Variants in TRAPPC9 observed in about 807,000 individuals in gnomAD.
TRAPPC9 encodes the protein trafficking protein particle complex subunit 9, also known as IKK2 binding protein.
Under a neutral mutation model 124.0 loss-of-function variants are expected in TRAPPC9, and 83 were observed. The observed-to-expected ratio is 0.67, with a 90% CI of 0.56 to 0.80. The LOEUF (loss-of-function observed/expected upper bound fraction) is 0.80. Ranked by LOEUF, TRAPPC9 falls within the 30% of genes least tolerant of loss-of-function variation. The probability of loss-of-function intolerance (pLI) is 0.00; values close to 1 mark genes in which losing one functional copy is unlikely to be tolerated. For missense variants in TRAPPC9, 1,302 were observed against 1,508.3 expected (o/e 0.86, Z 2.27); for synonymous variants, 638 against 617.5 (o/e 1.03, Z -0.49).
chr8:140,356,567 T>A (rs1450301752), intron 9 of TRAPPC9, among the ~76,000 whole-genome samples: 1 of 151,406 alleles, frequency 6.6e-6, no homozygotes, highest in Non-Finnish European at 1.5e-5. Flanking sequence ...AGCATACGTA[T>A]ACACACACAT....
chr8:140,189,620 G>C (rs1240450043), intron 17 of TRAPPC9, among the ~76,000 whole-genome samples: 1 of 151,926 alleles, frequency 6.6e-6, no homozygotes, highest in Non-Finnish European at 1.5e-5. Context: ...AATGAGAGTA[G>C]CACCCATTTC....
intron 9 of TRAPPC9, among the ~76,000 whole-genome samples, chr8:140,348,238 C>A (rs2067409939): frequency 6.6e-6 from 1 of 152,320 alleles, no homozygotes; most frequent in Non-Finnish European, 1.5e-5. Flanking sequence ...ACACCATCTG[C>A]CCCATCAAAT....
At chr8:140,004,533 C>T (rs936917345) in intron 18 of TRAPPC9, among the ~76,000 whole-genome samples, 10 of 152,042 alleles carry the variant, frequency 6.6e-5, no homozygotes, top group African/African-American at 1.7e-4. Flanking sequence ...GGGATAACAA[C>T]GCCTATGCTA....
intron 17 of TRAPPC9, among the ~76,000 whole-genome samples, chr8:140,093,197 G>C (rs893373673): frequency 6.6e-6 from 1 of 152,140 alleles, no homozygotes; most frequent in Non-Finnish European, 1.5e-5. Flanking sequence ...AATACTTCTT[G>C]ACAGAGATTC....
chr8:140,039,971 G>C (rs1841161099), intron 17 of TRAPPC9: 1 of 152,256 alleles, frequency 6.6e-6, no homozygotes, highest in Non-Finnish European at 1.5e-5. Context: ...TTGTGATCAA[G>C]GGAAAACCCA....
At chr8:140,286,370 G>C (rs1274406324) in intron 13 of TRAPPC9, among the ~76,000 whole-genome samples, 1 of 152,346 alleles carries the variant, frequency 6.6e-6, no homozygotes, top group Admixed American at 6.5e-5. Flanking sequence ...TCCCAGTTGA[G>C]AGATGTCAGG....
Position 140,109,711 on chromosome 8 carries a change from T to C in TRAPPC9, c.2557-85632A>G, listed in dbSNP as rs75479236. On this transcript the variant is annotated intron_variant, in intron 17 of 22. Coordinates refer to ENST00000438773, the MANE Select transcript of TRAPPC9 (RefSeq NM_001160372.4). ...CCACCCTGTCAAAAACTGGGGAATA[T>C]GGGGCAAGTTATTGAACCTCTCAAA... 8.7e-3 allele frequency among the ~76,000 whole-genome samples: 1,320 copies of C among 152,284 alleles called. 15 individuals carry two copies. The highest frequency in any genetic ancestry group is 0.03 in the African/African-American group (1,248 of 41,536).
At chr8:140,057,168 A>G (rs966443782) in intron 17 of TRAPPC9, among the ~76,000 whole-genome samples, 2 of 152,250 alleles carry the variant, frequency 1.3e-5, no homozygotes. Context: ...TAGGATGACT[A>G]TTATCAAAAT....
In TRAPPC9 at chr8:140,213,882, C is replaced by T. The variant is rs139509424; in HGVS notation, c.2556+7577G>A. Among the ~76,000 whole-genome samples, 15 of 152,326 alleles carry T rather than the reference C, an allele frequency of 9.8e-5. No homozygotes were observed. The East Asian group carries it at 2.7e-3, about 27-fold the overall frequency. On this transcript the variant is annotated intron_variant, in intron 17 of 22. Coordinates refer to ENST00000438773, the MANE Select transcript of TRAPPC9 (RefSeq NM_001160372.4). Reference sequence around the variant, plus strand: ...TATTGCACATGGAGGGTAGTAGAATCTATTCAGAGCCAGAGAGCACACCAC... The same window carrying T: ...TATTGCACATGGAGGGTAGTAGAATTTATTCAGAGCCAGAGAGCACACCAC...
chr8:139,897,405 C>T (rs11166932), intron 20 of TRAPPC9, among the ~76,000 whole-genome samples: 90,195 of 152,082 alleles, frequency 0.59, 27,450 homozygotes, highest in African/African-American at 0.74. Flanking sequence ...TTCTTGGCCT[C>T]CCCGTGGGAA....
At chr8:139,851,730 T>C (rs990368797) in intron 21 of TRAPPC9, among the ~76,000 whole-genome samples, 1 of 152,216 alleles carries the variant, frequency 6.6e-6, no homozygotes, top group Non-Finnish European at 1.5e-5. Flanking sequence ...TTGATGATCT[T>C]TGGAACATAT....
chr8:139,894,510 C>T (rs569433719), intron 20 of TRAPPC9, among the ~76,000 whole-genome samples: 22 of 152,236 alleles, frequency 1.4e-4, no homozygotes, highest in East Asian at 1.4e-3. Flanking sequence ...CCATCCCCTG[C>T]GGAGTGTGAG....
chr8:139,926,969 T>C (rs771314430), intron 19 of TRAPPC9, among the ~76,000 whole-genome samples: 3 of 152,152 alleles, frequency 2.0e-5, no homozygotes, highest in Non-Finnish European at 2.9e-5. Flanking sequence ...CCCAATAATA[T>C]GAACTCAAAC....
At chr8:139,964,823 T>C (rs763493627) in intron 19 of TRAPPC9, among the ~76,000 whole-genome samples, 2 of 152,202 alleles carry the variant, frequency 1.3e-5, no homozygotes, top group Non-Finnish European at 1.5e-5. Flanking sequence ...TAAAGTACTA[T>C]TCCCACCAAG....
chr8:140,269,653 G>A (rs1280666019), intron 15 of TRAPPC9, among the ~76,000 whole-genome samples: 2 of 152,146 alleles, frequency 1.3e-5, no homozygotes, highest in Non-Finnish European at 2.9e-5. Flanking sequence ...ATAACAAAAT[G>A]TTCATTACAG....
At chr8:139,881,816 C>T (rs190134281) in intron 21 of TRAPPC9, among the ~76,000 whole-genome samples, 3 of 152,340 alleles carry the variant, frequency 2.0e-5, no homozygotes, top group East Asian at 3.9e-4. Flanking sequence ...AATTCCGACT[C>T]GCTGAAAGCA....
At chr8:140,310,979 C>T (rs1354019983) in intron 10 of TRAPPC9, among the ~76,000 whole-genome samples, 1 of 151,972 alleles carries the variant, frequency 6.6e-6, no homozygotes, top group Non-Finnish European at 1.5e-5. Context: ...GGCAGGCTTT[C>T]GAACAAAGCA....
intron 21 of TRAPPC9, among the ~76,000 whole-genome samples, chr8:139,805,234 A>G (rs1018910305): frequency 3.3e-5 from 5 of 152,188 alleles, no homozygotes; most frequent in Non-Finnish European, 7.3e-5. Context: ...TGGTAGTTTC[A>G]GTGGCTTTGT....
At chr8:140,296,350 G>A (rs768004623) in intron 11 of TRAPPC9, among the ~76,000 whole-genome samples, 2 of 152,060 alleles carry the variant, frequency 1.3e-5, no homozygotes, top group Non-Finnish European at 2.9e-5. Flanking sequence ...CTATAGCCTC[G>A]ACCTCCCAGG....
Sources: allele counts gnomAD v4.1 joint callset (sites outside exome capture counted in the v4.1 genomes callset), GRCh38; gene constraint gnomAD v4.1.1; transcripts MANE v1.5; gene names NCBI Gene and HGNC (gene_info 2026-07-23, HGNC 2026-07-21).